The following POU3F3 variants were observed in gnomAD, a reference collection of about 807,000 sequenced individuals.
POU3F3 encodes the protein POU domain, class 3, transcription factor 3.
A neutral mutation model predicts 8.6 loss-of-function variants in POU3F3; 1 was observed. The observed-to-expected ratio is 0.12, with a 90% confidence interval of 0.04 to 0.55. POU3F3 has a LOEUF of 0.55. POU3F3 is among the 20% of genes least tolerant of loss of function. The pLI, the probability that POU3F3 is intolerant of heterozygous loss-of-function variation, is 0.91. For synonymous variants in POU3F3, 418 were observed against 327.4 expected, an observed-to-expected ratio of 1.28 and a Z score of -2.99; for missense variants, 577 against 690.7, an observed-to-expected ratio of 0.84 and a Z score of 1.84.
At chr2:104,914,472 T>C in the POU3F3 span, among the ~76,000 whole-genome samples, 2 of 152,336 alleles carry the variant, frequency 1.3e-5, no homozygotes, top group East Asian at 1.9e-4. Context: ...GTAAGACTTC[T>C]TTTTTATGAG....
At chr2:104,899,915 TACAC>T in the POU3F3 span, among the ~76,000 whole-genome samples, 1 of 152,102 alleles carries the variant, frequency 6.6e-6, no homozygotes, top group South Asian at 2.1e-4. Flanking sequence ...GCAGGTGAAA[TACAC>T]ACATTCGAAG....
the POU3F3 span, among the ~76,000 whole-genome samples, chr2:104,914,620 G>A: frequency 6.6e-6 from 1 of 152,156 alleles, no homozygotes; most frequent in African/African-American, 2.4e-5. Context: ...CCGTGGTGAG[G>A]GTGTGGGTAT....
the POU3F3 span, among the ~76,000 whole-genome samples, chr2:104,885,462 A>T: frequency 6.6e-6 from 1 of 152,206 alleles, no homozygotes; most frequent in Non-Finnish European, 1.5e-5. Flanking sequence ...TGATGCAGTA[A>T]AGAAGCCAGC....
At chr2:104,875,931 T>G in the POU3F3 span, among the ~76,000 whole-genome samples, 1 of 152,088 alleles carries the variant, frequency 6.6e-6, no homozygotes, top group African/African-American at 2.4e-5. Flanking sequence ...TTGGCCAGGC[T>G]GGTCAGGAAC....
At position 104,857,961 on chromosome 2, in the gene POU3F3, G is replaced by T. The variant is rs919789630; in HGVS notation, c.*948G>T. The T allele has an allele frequency of 1.3e-5, 2 of 152,208 alleles. No homozygotes were observed. The highest frequency in any genetic ancestry group is 6.5e-5 in the Admixed American group (1 of 15,290). The allele number at this position is 152,208 out of a possible 1,614,324, so 9.4% of individuals were successfully genotyped here. A position where few individuals can be genotyped will look rare whatever the true frequency, so the allele number is the denominator to read the frequency against. ...GCGGGCGAACTGGGAGCAGAGCGGG[G>T]GCCCAGCCAGCGAGGCCGCCGAGCC... On this transcript the variant is annotated 3_prime_UTR_variant, in exon 1 of 1. Coordinates refer to ENST00000361360, the MANE Select transcript of POU3F3 (RefSeq NM_006236.3).
chr2:104,854,538 A>T lies in POU3F3; in HGVS notation c.-973A>T, dbSNP rs1051895535. 2.6e-5 allele frequency among the ~76,000 whole-genome samples: 4 copies of T among 152,124 alleles called. No homozygotes were observed. Among genetic ancestry groups the T allele is most frequent in the Admixed American group, 6.5e-5 (1 of 15,278 alleles). On this transcript the variant is annotated 5_prime_UTR_variant, in exon 1 of 1. Coordinates refer to ENST00000361360, the MANE Select transcript of POU3F3 (RefSeq NM_006236.3). The surrounding 1 kb of genome is among the most constrained non-coding windows in gnomAD (Gnocchi z 4.5). ...TTTCCTGTTCAATTTTTTCCTTGTT[A>T]TATTTGTTTCCTAATTTCTGCCCAA...
the POU3F3 span, among the ~76,000 whole-genome samples, chr2:104,910,702 G>A: frequency 3.3e-5 from 5 of 152,098 alleles, no homozygotes; most frequent in South Asian, 2.1e-4. Flanking sequence ...GAATGGTTTC[G>A]AATTTACTGA....
chr2:104,888,884 G>A, the POU3F3 span, among the ~76,000 whole-genome samples: 1 of 152,184 alleles, frequency 6.6e-6, no homozygotes, highest in Admixed American at 6.5e-5. Context: ...CCACTGAAAA[G>A]AGGGGAAACC....
At chr2:104,891,804 G>A in the POU3F3 span, among the ~76,000 whole-genome samples, 4 of 152,108 alleles carry the variant, frequency 2.6e-5, no homozygotes, top group Admixed American at 1.3e-4. Flanking sequence ...CAGTCTCCCC[G>A]ACATCAAACA....
the POU3F3 span, among the ~76,000 whole-genome samples, chr2:104,897,687 G>A: frequency 4.6e-5 from 7 of 152,226 alleles, no homozygotes; most frequent in Admixed American, 1.3e-4. Flanking sequence ...ATCAGTCAGC[G>A]ATGACTCAGA....
At chr2:104,864,932 G>T in the POU3F3 span, among the ~76,000 whole-genome samples, 17 of 152,206 alleles carry the variant, frequency 1.1e-4, no homozygotes, top group Non-Finnish European at 2.9e-5. Context: ...TGACACGTGC[G>T]TGTGTGTCTG....
downstream of POU3F3, among the ~76,000 whole-genome samples, chr2:104,862,589 G>T (rs1389416927): frequency 2.0e-5 from 3 of 152,262 alleles, no homozygotes; most frequent in East Asian, 3.9e-4. Context: ...TGGCGGTCGC[G>T]GTGGGGCGGC....
the POU3F3 span, among the ~76,000 whole-genome samples, chr2:104,926,928 G>C: frequency 4.6e-5 from 7 of 152,198 alleles, no homozygotes; most frequent in Admixed American, 4.6e-4. Flanking sequence ...CATAGGGAGG[G>C]GAACATCACA....
chr2:104,875,155 T>G, the POU3F3 span, among the ~76,000 whole-genome samples: 21 of 152,366 alleles, frequency 1.4e-4, no homozygotes, highest in South Asian at 3.7e-3. Flanking sequence ...TGTTGTAGCA[T>G]GTAGCAGAAT....
the POU3F3 span, among the ~76,000 whole-genome samples, chr2:104,905,693 C>G: frequency 3.9e-5 from 6 of 152,268 alleles, no homozygotes; most frequent in East Asian, 9.6e-4. Flanking sequence ...TCCTCAGCCT[C>G]CTTAGCTTAT....
In POU3F3 at chr2:104,858,233, A is replaced by G. The variant is rs1437520715; in HGVS notation, c.*1220A>G. The stretch of plus-strand genomic sequence containing the variant: ...TTATATAATACTGCCATTTCCAAGC[A>G]GTGTTTTTGGTAGGTTTTAATAAAC... On this transcript the variant is annotated 3_prime_UTR_variant, in exon 1 of 1. Transcript: ENST00000361360. 3 of 152,186 alleles carry G rather than the reference A, an allele frequency of 2.0e-5. No homozygotes were observed. Among genetic ancestry groups the G allele is most frequent in the Non-Finnish European group, 4.4e-5 (3 of 68,030 alleles). The allele number at this position is 152,186 out of a possible 1,614,324, so 9.4% of individuals were successfully genotyped here. A position where few individuals can be genotyped will look rare whatever the true frequency, so the allele number is the denominator to read the frequency against.
chr2:104,909,825 G>A, the POU3F3 span, among the ~76,000 whole-genome samples: 1 of 152,208 alleles, frequency 6.6e-6, no homozygotes, highest in African/African-American at 2.4e-5. Flanking sequence ...GAAAAAGCAT[G>A]CAGGAATGCC....
chr2:104,866,340 G>C, the POU3F3 span: 3 of 152,112 alleles, frequency 2.0e-5, no homozygotes, highest in Admixed American at 6.6e-5. Flanking sequence ...CTGATCCCAC[G>C]GGCTTTCCTC....
chr2:104,860,213 CTT>C (rs889309545), downstream of POU3F3, among the ~76,000 whole-genome samples: 2 of 152,130 alleles, frequency 1.3e-5, no homozygotes, highest in Non-Finnish European at 2.9e-5. Flanking sequence ...AGCAGAGTAA[CTT>C]TTAATTGGAG....
Sources: gnomAD v4.1 joint callset for allele counts (sites outside exome capture counted in the v4.1 genomes callset) on GRCh38, gnomAD v4.1.1 for gene constraint, Gnocchi (gnomAD v3.1) non-coding constraint, MANE v1.5 for transcripts, NCBI Gene and HGNC (gene_info 2026-07-23, HGNC 2026-07-21) for gene names.